Variants in MYRF observed in about 807,000 individuals in gnomAD.
MYRF encodes the protein myelin gene regulatory factor.
MYRF carries 16 observed loss-of-function variants against 126.3 expected under a neutral mutation model. The observed-to-expected ratio is 0.13, with a 90% confidence interval of 0.09 to 0.19. The LOEUF (loss-of-function observed/expected upper bound fraction) is 0.19. MYRF is among the 10% of genes least tolerant of loss of function. The probability of loss-of-function intolerance (pLI) is 1.00; values close to 1 mark genes in which losing one functional copy is unlikely to be tolerated. For synonymous variants in MYRF, 608 were observed against 635.3 expected (o/e 0.96, Z 0.65); for missense variants, 1,104 against 1,547.0 (o/e 0.71, Z 4.80).
chr11:61,784,438 T>G, intron 25 of MYRF, 53 bp downstream of exon 25: 2 of 1,469,696 alleles, frequency 1.4e-6, no homozygotes, highest in Non-Finnish European at 1.9e-6. Flanking sequence ...GCTTCTCTCC[T>G]GGCACAACTG....
Position 61,783,303 on chromosome 11 carries a change from C to G in MYRF, c.3017-195C>G. The G allele has an allele frequency of 4.0e-6, 2 of 501,570 alleles. No homozygotes were observed. The highest frequency in any genetic ancestry group is 7.2e-6 in the Non-Finnish European group (2 of 277,182). 31.1% of individuals were successfully genotyped at this position (501,570 alleles called of 1,614,324 possible). A position where few individuals can be genotyped will look rare whatever the true frequency, so the allele number is the denominator to read the frequency against. ...TTCTTTTGAGGAGGCAGACGTCAGGCTCATGGGAACTGGGTAGTCCTAGGG... is the reference window on the plus strand; with the variant it reads ...TTCTTTTGAGGAGGCAGACGTCAGGGTCATGGGAACTGGGTAGTCCTAGGG... On this transcript the variant is annotated intron_variant, in intron 22 of 26. Transcript: ENST00000278836. The surrounding 1 kb of genome is among the most constrained non-coding windows in gnomAD (Gnocchi z 4.6).
At position 61,771,594 on chromosome 11, in the gene MYRF, C is replaced by T. The variant is rs757996337; in HGVS notation, c.835C>T (p.Pro279Ser). Residue 279 changes from proline to serine, a missense_variant, in exon 6 of 27, where the codon CCT (proline) becomes TCT (serine). Pro to Ser is a moderately conservative substitution (Grantham distance 74). This residue lies in a region of MYRF where 368 missense variants were observed against 403.9 expected (regional missense o/e 0.91). Coordinates refer to ENST00000278836, the MANE Select transcript of MYRF (RefSeq NM_001127392.3). ...GCTGAATGGAATGATCAAACAGGAG[C>T]CTGGGACCGTGACAGCCCTGCCTCT... ...QMLNGMIKQE[P>S]GTVTALPLHP... 3.7e-6 allele frequency: 6 copies of T among 1,613,888 alleles called. No homozygotes were observed. Among genetic ancestry groups the T allele is most frequent in the African/African-American group, 1.3e-5 (1 of 74,906 alleles).
Position 61,769,131 on chromosome 11 carries a change from G to A in MYRF, c.399-129G>A, listed in dbSNP as rs370555721. On this transcript the variant is annotated intron_variant, in intron 3 of 26. Coordinates refer to ENST00000278836, the MANE Select transcript of MYRF (RefSeq NM_001127392.3). ...GGTGCGGAGAAATGCCCCTAAGGGT[G>A]GATGTGACGAAACCTCAGTGTCGCC... 4.0e-5 allele frequency: 25 copies of A among 622,920 alleles called. No homozygotes were observed. The East Asian group carries it at 5.6e-4, about 14-fold the overall frequency. 38.6% of individuals were successfully genotyped at this position (622,920 alleles called of 1,614,324 possible).
Position 61,771,487 on chromosome 11 carries a change from T to C in MYRF, c.741-13T>C. The C allele has an allele frequency of 1.2e-6, 2 of 1,606,650 alleles. No homozygotes were observed. Among genetic ancestry groups the C allele is most frequent in the Non-Finnish European group, 1.7e-6 (2 of 1,175,136 alleles). ...AGAGCCAGCCCCCACGGCGCACACT[T>C]CTGTTTCCCCAGGCTCCCTACACAC... On this transcript the variant is annotated splice_polypyrimidine_tract_variant and intron_variant, in intron 5 of 26. Coordinates refer to ENST00000278836, the MANE Select transcript of MYRF (RefSeq NM_001127392.3).
At chr11:61,752,890 T>C in intron 1 of MYRF, 100 bp downstream of exon 1, 1 of 1,179,848 alleles carries the variant, frequency 8.5e-7, no homozygotes, top group Non-Finnish European at 1.1e-6. Context: ...CCGCCTCCTC[T>C]GGCTGGGACC....
Position 61,771,508 on chromosome 11 carries a change from C to G in MYRF, c.749C>G (p.Thr250Arg), listed in dbSNP as rs762230374. 6.2e-7 allele frequency: 1 copy of G among 1,613,260 alleles called. No individual in the cohort carries two copies. The highest frequency in any genetic ancestry group is 8.5e-7 in the Non-Finnish European group (1 of 1,179,498). The change falls in exon 6 of 27, where the codon ACA (threonine) becomes AGA (arginine). Residue 250 changes from threonine to arginine, a missense_variant. Transcript: ENST00000278836. ...CACTTCTGTTTCCCCAGGCTCCCTACACACCCCTCCAAGAAGAGGAAGCAC... is the reference window on the plus strand; with the variant it reads ...CACTTCTGTTTCCCCAGGCTCCCTAGACACCCCTCCAAGAAGAGGAAGCAC... ...LLQQHGAELP[T>R]HPSKKRKHSE... is the part of the protein sequence containing the mutation.
rs2066525073 is a variant in MYRF, at chr11:61,780,969, G to A, written c.2496G>A (p.Gln832=). Residue 832 remains glutamine (Q), a synonymous_variant, in exon 20 of 27, where the codon CAG becomes CAA. Coordinates refer to ENST00000278836, the MANE Select transcript of MYRF (RefSeq NM_001127392.3). ...GSEALCPWSS[Q]SFGTTQLRQS... is the part of the protein sequence containing the mutation. Reference sequence around the variant, plus strand: ...CATCCTTCCCCAGCAGGTCCAGCCAGAGCTTTGGGACCACGCAGCTCCGAC... The same window carrying A: ...CATCCTTCCCCAGCAGGTCCAGCCAAAGCTTTGGGACCACGCAGCTCCGAC... 1.2e-6 allele frequency: 2 copies of A among 1,609,892 alleles called. No individual in the cohort carries two copies. The highest frequency in any genetic ancestry group is 1.7e-5 in the Admixed American group (1 of 59,998).
chr11:61,768,264 A>G (rs531766683), intron 3 of MYRF, among the ~76,000 whole-genome samples: 1 of 152,342 alleles, frequency 6.6e-6, no homozygotes, highest in South Asian at 2.1e-4. Context: ...AGGAGAGAAC[A>G]CAAGGTGCTG....
At chr11:61,780,144 G>C in intron 17 of MYRF, 78 bp from the exon 18 acceptor site, 3 of 1,536,754 alleles carry the variant, frequency 2.0e-6, no homozygotes, top group Non-Finnish European at 2.7e-6. Context: ...TCAGGAGCAA[G>C]GACCACAGCC....
chr11:61,762,556 C>T (rs776811150), intron 1 of MYRF, among the ~76,000 whole-genome samples: 18 of 152,086 alleles, frequency 1.2e-4, no homozygotes, highest in Admixed American at 4.6e-4. Context: ...TGGGGAGGGG[C>T]GCTCCCGAGA....
chr11:61,781,702 T>A lies in MYRF; in HGVS notation c.2894T>A (p.Phe965Tyr), dbSNP rs750561822. 11 of 1,613,418 alleles carry A rather than the reference T, an allele frequency of 6.8e-6. No individual in the cohort carries two copies. Among genetic ancestry groups the A allele is most frequent in the Non-Finnish European group, 9.3e-6 (11 of 1,180,026 alleles). ...LEPLASPAVP[F>Y]PGGQGKAKNS... ...CCTCTGGCCAGCCCTGCAGTCCCCTTCCCTGGGGGGCAGGGCAAAGCCAAG... is the reference window on the plus strand; with the variant it reads ...CCTCTGGCCAGCCCTGCAGTCCCCTACCCTGGGGGGCAGGGCAAAGCCAAG... Residue 965 changes from phenylalanine (F) to tyrosine (Y), a missense_variant, in exon 22 of 27, where the codon TTC (phenylalanine) becomes TAC (tyrosine). Phe to Tyr is a conservative substitution (Grantham distance 22, BLOSUM62 3). Transcript: ENST00000278836.
intron 8 of MYRF, 122 bp from the exon 9 acceptor site, chr11:61,775,934 G>C (rs2066369276): frequency 8.0e-6 from 7 of 872,870 alleles, no homozygotes; most frequent in Non-Finnish European, 1.3e-5. Flanking sequence ...GCGGCTGAGG[G>C]CTGGGTGCTG....
At position 61,785,986 on chromosome 11, in the gene MYRF, C is replaced by CA. The variant is rs1278152521; in HGVS notation, c.3376-75dup. 11 of 1,553,546 alleles carry CA rather than the reference C, an allele frequency of 7.1e-6. No homozygotes were observed. The Admixed American group carries it at 1.8e-4, about 26-fold the overall frequency. ...TGTGGTAGGGCTGGGGGCACAGTGT[C>CA]AAGCAATGTCAGCAGGGAGTGCCAT... On this transcript the variant is annotated intron_variant, in intron 26 of 26. Transcript: ENST00000278836.
At position 61,781,251 on chromosome 11, in the gene MYRF, A is replaced by G; in HGVS notation, c.2686A>G (p.Thr896Ala). ...CCSSPTTNPT[T>A]GPSLGPSFNP... ...TTCCTCACCCACTACCAACCCTACC[A>G]CTGGTCCTAGTCTTGGCCCCAGCTT... The change falls in exon 21 of 27, where the codon ACT (threonine) becomes GCT (alanine). Residue 896 changes from threonine to alanine, a missense_variant. Around this residue, in one of 10 missense-constraint regions of MYRF, gnomAD observed 323 missense variants for 383.1 expected, o/e 0.84. Transcript: ENST00000278836. 1 of 1,613,610 alleles carries G rather than the reference A, an allele frequency of 6.2e-7. No individual in the cohort carries two copies. The highest frequency in any genetic ancestry group is 8.5e-7 in the Non-Finnish European group (1 of 1,179,876).
At chr11:61,755,824 C>G in intron 1 of MYRF, 1 of 460,206 alleles carries the variant, frequency 2.2e-6, no homozygotes, top group Non-Finnish European at 4.2e-6. Flanking sequence ...GGTGGGTGTG[C>G]AGGGAGCCTT....
intron 8 of MYRF, among the ~76,000 whole-genome samples, chr11:61,775,787 T>G (rs2066362274): frequency 7.2e-6 from 1 of 139,194 alleles, no homozygotes; most frequent in African/African-American, 2.7e-5. Flanking sequence ...GGGGTGTGGG[T>G]GTTTGGGGAG....
Position 61,776,252 on chromosome 11 carries a change from G to A in MYRF, c.1389-70G>A. On this transcript the variant is annotated intron_variant, in intron 9 of 26. Transcript: ENST00000278836. This position sits in a 1 kb window ranked among gnomAD's most constrained non-coding sequence, Gnocchi z 4.3. ...CGCCTCATGTACGTTGCTGGCCTGG[G>A]TGCCCCTCAGTGGCGTGGCTCTTGC... 6.4e-7 allele frequency: 1 copy of A among 1,561,962 alleles called. No individual in the cohort carries two copies. The highest frequency in any genetic ancestry group is 8.8e-7 in the Non-Finnish European group (1 of 1,139,926).
intron 7 of MYRF, among the ~76,000 whole-genome samples, chr11:61,773,059 G>A (rs1332232493): frequency 6.7e-6 from 1 of 148,984 alleles, no homozygotes; most frequent in East Asian, 2.0e-4. Flanking sequence ...AGGCTGGAGT[G>A]CAATGGCATG....
chr11:61,762,765 C>T (rs771687517), intron 1 of MYRF, among the ~76,000 whole-genome samples: 3 of 152,114 alleles, frequency 2.0e-5, no homozygotes, highest in Non-Finnish European at 2.9e-5. Flanking sequence ...GTGGGGTCAG[C>T]GTTCCTCAGG....
Sources: gnomAD v4.1 joint callset for allele counts (sites outside exome capture counted in the v4.1 genomes callset) on GRCh38, gnomAD v4.1.1 for gene constraint, gnomAD v4.1.1 regional missense constraint, Gnocchi (gnomAD v3.1) non-coding constraint, MANE v1.5 for transcripts, NCBI Gene and HGNC (gene_info 2026-07-23, HGNC 2026-07-21) for gene names.